The following PCDH7 variants were observed in gnomAD, a reference collection of about 807,000 sequenced individuals.
The protein encoded by PCDH7 is protocadherin-7.
In PCDH7, 17 loss-of-function variants were observed where a neutral mutation model predicts 58.9. The observed-to-expected ratio is 0.29, with a 90% CI of 0.20 to 0.43. The LOEUF (loss-of-function observed/expected upper bound fraction) is 0.43. PCDH7 is among the 20% of genes least tolerant of loss of function. The pLI is 1.00. For synonymous variants in PCDH7, 664 were observed against 616.4 expected, an observed-to-expected ratio of 1.08 and a Z score of -1.14; for missense variants, 1,274 against 1,441.0, an observed-to-expected ratio of 0.88 and a Z score of 1.88.
intron 1 of PCDH7, among the ~76,000 whole-genome samples, chr4:30,777,273 G>C (rs1206877060): frequency 6.6e-6 from 1 of 152,136 alleles, no homozygotes; most frequent in East Asian, 1.9e-4. Context: ...ACTTTCAGTA[G>C]AATGTTAGTA....
At chr4:30,845,618 G>C (rs1731831358) in intron 1 of PCDH7, among the ~76,000 whole-genome samples, 1 of 152,086 alleles carries the variant, frequency 6.6e-6, no homozygotes, top group African/African-American at 2.4e-5. Context: ...TCTTTTTGAA[G>C]ACAAGGTCTA....
chr4:30,965,900 T>C (rs61792867), intron 3 of PCDH7, among the ~76,000 whole-genome samples: 21,127 of 152,124 alleles, frequency 0.14, 1,889 homozygotes, highest in Middle Eastern at 0.24. Context: ...TGGATAATCT[T>C]CAAGCAGTAT....
At position 30,723,898 on chromosome 4, in the gene PCDH7, C is replaced by T; in HGVS notation, c.2476C>T (p.Gln826Ter). ...GGTGGTGCAAGTGAATGACAGTGGG[C>T]AGCCTTCCCAGTCCACCACGACTCT... Residue 826 changes from glutamine (Q) to a stop codon, truncating the protein, a stop_gained, in exon 1 of 2, where the codon CAG becomes TAG. Coordinates refer to ENST00000361762, the Ensembl canonical transcript of PCDH7. LOFTEE classifies it high-confidence loss of function. The surrounding 1 kb of genome is among the most constrained non-coding windows in gnomAD (Gnocchi z 4.6). 1 of 1,613,780 alleles carries T rather than the reference C, an allele frequency of 6.2e-7. No individual in the cohort carries two copies. The highest frequency in any genetic ancestry group is 8.5e-7 in the Non-Finnish European group (1 of 1,179,986).
chr4:30,892,697 TGA>T (rs1263352114), intron 1 of PCDH7, among the ~76,000 whole-genome samples: 1 of 152,070 alleles, frequency 6.6e-6, no homozygotes, highest in African/African-American at 2.4e-5. Context: ...TTTTGTGAGA[TGA>T]ATGATGGCAT....
At chr4:30,738,928 C>T (rs1716679466) in intron 1 of PCDH7, among the ~76,000 whole-genome samples, 2 of 151,774 alleles carry the variant, frequency 1.3e-5, no homozygotes, top group African/African-American at 4.8e-5. Flanking sequence ...GGCATGTAAC[C>T]AAGGCTGGTA....
In PCDH7 at chr4:30,720,555, G is replaced by A. The variant is rs1713329850; in HGVS notation, c.-868G>A. On this transcript the variant is annotated 5_prime_UTR_variant, in exon 1 of 2. Transcript: ENST00000361762. This position sits in a 1 kb window ranked among gnomAD's most constrained non-coding sequence, Gnocchi z 4.7. Reference sequence around the variant, plus strand: ...CGGCTGCTTCGTGACTAATGACCTTGCGCAGAGTTGTTAAGAAAAAAGAGA... The same window carrying A: ...CGGCTGCTTCGTGACTAATGACCTTACGCAGAGTTGTTAAGAAAAAAGAGA... The A allele has an allele frequency of 6.5e-6, 1 of 152,718 alleles. No individual in the cohort carries two copies. The highest frequency in any genetic ancestry group is 1.5e-5 in the Non-Finnish European group (1 of 68,098). 9.5% of individuals were successfully genotyped at this position (152,718 alleles called of 1,614,324 possible).
chr4:30,874,923 A>T (rs545273188), intron 1 of PCDH7, among the ~76,000 whole-genome samples: 1 of 152,052 alleles, frequency 6.6e-6, no homozygotes, highest in Non-Finnish European at 1.5e-5. Flanking sequence ...TGGCTCCTGA[A>T]TATATACTGG....
chr4:30,757,673 G>A (rs1046880549), intron 1 of PCDH7, among the ~76,000 whole-genome samples: 2 of 152,118 alleles, frequency 1.3e-5, no homozygotes, highest in Non-Finnish European at 2.9e-5. Flanking sequence ...CGCCAAATGA[G>A]TTGTTCTCCT....
chr4:31,023,887 T>C (rs575418146), intron 3 of PCDH7, among the ~76,000 whole-genome samples: 13 of 152,078 alleles, frequency 8.5e-5, no homozygotes, highest in East Asian at 1.9e-4. Flanking sequence ...TTCAGAGACA[T>C]GTAAAAGAGA....
At chr4:30,964,695 A>G (rs1010574606) in intron 3 of PCDH7, among the ~76,000 whole-genome samples, 3 of 151,570 alleles carry the variant, frequency 2.0e-5, no homozygotes, top group East Asian at 3.9e-4. Context: ...CAACAGAAGT[A>G]GAAGTACTAG....
intron 3 of PCDH7, among the ~76,000 whole-genome samples, chr4:30,977,683 A>G (rs929731162): frequency 6.6e-6 from 1 of 152,028 alleles, no homozygotes; most frequent in Non-Finnish European, 1.5e-5. Flanking sequence ...TGGAGCTCCT[A>G]TTATTCATTT....
At chr4:30,952,212 G>C (rs373556810) in intron 3 of PCDH7, among the ~76,000 whole-genome samples, 3 of 152,064 alleles carry the variant, frequency 2.0e-5, no homozygotes, top group East Asian at 3.9e-4. Flanking sequence ...AAGGAAATTG[G>C]TAATTCAAAT....
intron 3 of PCDH7, among the ~76,000 whole-genome samples, chr4:31,064,802 A>G (rs879454128): frequency 3.3e-5 from 5 of 152,022 alleles, no homozygotes; most frequent in Non-Finnish European, 7.4e-5. Flanking sequence ...ATTATGAGAT[A>G]CTTGGAATTG....
intron 3 of PCDH7, among the ~76,000 whole-genome samples, chr4:30,973,232 G>A (rs895512461): frequency 6.6e-6 from 1 of 152,162 alleles, no homozygotes; most frequent in Admixed American, 6.6e-5. Context: ...TAGGTGAAAG[G>A]GAGGATGAAA....
intron 1 of PCDH7, among the ~76,000 whole-genome samples, chr4:30,827,364 G>A (rs1279183883): frequency 6.6e-6 from 1 of 152,128 alleles, no homozygotes; most frequent in Non-Finnish European, 1.5e-5. Context: ...ATACATAGTG[G>A]AAGGGCTGGG....
chr4:30,721,469 G>A lies in PCDH7; in HGVS notation c.47G>A (p.Gly16Asp). 6.3e-7 allele frequency: 1 copy of A among 1,576,790 alleles called. No individual in the cohort carries two copies. The highest frequency in any genetic ancestry group is 8.6e-7 in the Non-Finnish European group (1 of 1,166,936). Residue 16 changes from glycine to aspartate, a missense_variant, in exon 1 of 2, where the codon GGC becomes GAC. By Grantham distance (94) the Gly-to-Asp change is moderately conservative. Transcript: ENST00000361762. This position sits in a 1 kb window ranked among gnomAD's most constrained non-coding sequence, Gnocchi z 6.7. ...GGATGGGCGCGCGGCTGGTGCTTGGGCTGCTGCCTCCTCCTGCCGCTCTCG... is the reference window on the plus strand; with the variant it reads ...GGATGGGCGCGCGGCTGGTGCTTGGACTGCTGCCTCCTCCTGCCGCTCTCG...
At chr4:30,727,294 C>A (rs991347495) in intron 1 of PCDH7, among the ~76,000 whole-genome samples, 1 of 151,790 alleles carries the variant, frequency 6.6e-6, no homozygotes, top group African/African-American at 2.4e-5. Flanking sequence ...AAGTGTTGAA[C>A]CTAAGTCCTG....
chr4:30,901,533 A>G (rs1740219298), intron 1 of PCDH7, among the ~76,000 whole-genome samples: 1 of 152,194 alleles, frequency 6.6e-6, no homozygotes, highest in Non-Finnish European at 1.5e-5. Flanking sequence ...GGTAATTCAA[A>G]TGTGCAGCCA....
At chr4:30,778,581 A>G (rs1463092664) in intron 1 of PCDH7, among the ~76,000 whole-genome samples, 2 of 152,198 alleles carry the variant, frequency 1.3e-5, no homozygotes, top group Non-Finnish European at 2.9e-5. Flanking sequence ...CACATCACAC[A>G]GAAACTTTAC....
Sources: gnomAD v4.1 joint callset for allele counts (sites outside exome capture counted in the v4.1 genomes callset) on GRCh38, gnomAD v4.1.1 for gene constraint, Gnocchi (gnomAD v3.1) non-coding constraint, MANE v1.5 for transcripts, NCBI Gene and HGNC (gene_info 2026-07-23, HGNC 2026-07-21) for gene names.